PARD3B: variants seen among roughly 807,000 people sequenced by gnomAD.
PARD3B encodes the protein par-3 family cell polarity regulator beta, also known as partitioning defective 3 homolog B.
In PARD3B, 103 loss-of-function variants were observed where a neutral mutation model predicts 130.2. The observed-to-expected ratio is 0.79, with a 90% CI of 0.67 to 0.93. The LOEUF (loss-of-function observed/expected upper bound fraction) is 0.93. PARD3B is among the 40% of genes least tolerant of loss of function. The pLI is 0.00. For synonymous variants in PARD3B, 583 were observed against 553.2 expected (o/e 1.05, Z -0.76); for missense variants, 1,609 against 1,499.2 (o/e 1.07, Z -1.21).
rs539904437 is a variant in PARD3B at position 205,151,738 on chromosome 2, T to C, written c.1435-6984T>C. Reference sequence around the variant, plus strand: ...TCCAATTTACCAGTCTGTCTTTTAATTGGGGCATTTAGCCAATTTACATTT... The same window carrying C: ...TCCAATTTACCAGTCTGTCTTTTAACTGGGGCATTTAGCCAATTTACATTT... On this transcript the variant is annotated intron_variant, in intron 10 of 22. Coordinates refer to ENST00000406610, the MANE Select transcript of PARD3B (RefSeq NM_001302769.2). 4.7e-4 allele frequency among the ~76,000 whole-genome samples: 71 copies of C among 152,352 alleles called. 1 individual carries two copies. In the South Asian group the frequency reaches 8.9e-3, roughly 19 times the overall value.
At chr2:204,616,940 T>C (rs1448696059) in intron 1 of PARD3B, among the ~76,000 whole-genome samples, 1 of 152,178 alleles carries the variant, frequency 6.6e-6, no homozygotes, top group African/African-American at 2.4e-5. Flanking sequence ...AGTTCTTTCG[T>C]CCCTTAAACT....
Position 205,343,708 on chromosome 2 carries a change from C to G in PARD3B, c.2630+42007C>G, listed in dbSNP as rs558641327. Among the ~76,000 whole-genome samples, 14 of 152,292 alleles carry G rather than the reference C, an allele frequency of 9.2e-5. 1 individual carries two copies. Among genetic ancestry groups the G allele is most frequent in the African/African-American group, 3.1e-4 (13 of 41,568 alleles). ...TGGCCTGGCTCACAGCTGTGGAGAACAGCGTGCTTGTGTCTGAGCCTCCTG... is the reference window on the plus strand; with the variant it reads ...TGGCCTGGCTCACAGCTGTGGAGAAGAGCGTGCTTGTGTCTGAGCCTCCTG... On this transcript the variant is annotated intron_variant, in intron 18 of 22. Transcript: ENST00000406610.
At chr2:204,944,905 G>A (rs1689191938) in intron 2 of PARD3B, among the ~76,000 whole-genome samples, 1 of 152,276 alleles carries the variant, frequency 6.6e-6, no homozygotes, top group East Asian at 1.9e-4. Flanking sequence ...ACAAATTTGG[G>A]GGAGTGAGAG....
intron 2 of PARD3B, among the ~76,000 whole-genome samples, chr2:204,752,179 C>T (rs2040490455): frequency 6.6e-6 from 1 of 152,120 alleles, no homozygotes; most frequent in Non-Finnish European, 1.5e-5. Context: ...GTAAGATTAT[C>T]TTTAAAAGTG....
intron 1 of PARD3B, among the ~76,000 whole-genome samples, chr2:204,654,599 G>A (rs1313403008): frequency 6.6e-6 from 1 of 152,120 alleles, no homozygotes; most frequent in Non-Finnish European, 1.5e-5. Context: ...CCATATAGTG[G>A]ATTTTAGTTT....
chr2:205,108,433 C>T (rs1019619999), intron 5 of PARD3B, among the ~76,000 whole-genome samples: 3 of 152,098 alleles, frequency 2.0e-5, no homozygotes, highest in African/African-American at 7.2e-5. Flanking sequence ...AATCTGTCTC[C>T]TGTACACAGC....
At chr2:205,199,963 T>C (rs1290336668) in intron 15 of PARD3B, among the ~76,000 whole-genome samples, 1 of 151,686 alleles carries the variant, frequency 6.6e-6, no homozygotes, top group Non-Finnish European at 1.5e-5. Flanking sequence ...ATTTCCATGT[T>C]TGTGAAATTA....
At chr2:204,972,253 C>T (rs1575450497) in intron 3 of PARD3B, among the ~76,000 whole-genome samples, 1 of 151,970 alleles carries the variant, frequency 6.6e-6, no homozygotes, top group East Asian at 1.9e-4. Flanking sequence ...ATATAGGCCT[C>T]ATAGTTGATC....
intron 4 of PARD3B, among the ~76,000 whole-genome samples, chr2:205,081,819 G>C (rs1286679882): frequency 6.6e-6 from 1 of 152,020 alleles, no homozygotes; most frequent in African/African-American, 2.4e-5. Flanking sequence ...CTCTATTTAT[G>C]AGTGTTACTG....
chr2:205,310,022 C>A (rs1280734608), intron 18 of PARD3B, among the ~76,000 whole-genome samples: 3 of 151,214 alleles, frequency 2.0e-5, no homozygotes, highest in Admixed American at 2.0e-4. Context: ...CTAAAACAAG[C>A]TAACATATAC....
chr2:205,432,466 C>T (rs1233299203), intron 19 of PARD3B, among the ~76,000 whole-genome samples: 5 of 152,292 alleles, frequency 3.3e-5, no homozygotes, highest in African/African-American at 9.6e-5. Flanking sequence ...CTCTGGCCTC[C>T]TCCAAATTCT....
In PARD3B at chr2:205,172,321, G is replaced by C. The variant is rs771288911; in HGVS notation, c.1731G>C (p.Glu577Asp). Residue 577 changes from glutamate to aspartate, a missense_variant, in exon 12 of 23, where the codon GAG becomes GAC. Transcript: ENST00000406610. The part of the protein sequence containing the change: ...METLRRSMSM[E>D]GNIRGMIQLV... ...CACTTAGGCGGTCAATGTCCATGGA[G>C]GGAAACATCCGAGGGATGATCCAGT... 4 of 1,614,138 alleles carry C rather than the reference G, an allele frequency of 2.5e-6. No homozygotes were observed. In the South Asian group the frequency reaches 4.4e-5, roughly 18 times the overall value.
At chr2:205,058,678 T>G (rs564234500) in intron 4 of PARD3B, among the ~76,000 whole-genome samples, 1 of 152,022 alleles carries the variant, frequency 6.6e-6, no homozygotes, top group South Asian at 2.1e-4. Flanking sequence ...GATTTGCATT[T>G]CCCTAATGCT....
At chr2:204,921,456 G>T (rs1168465232) in intron 2 of PARD3B, among the ~76,000 whole-genome samples, 1 of 152,062 alleles carries the variant, frequency 6.6e-6, no homozygotes, top group African/African-American at 2.4e-5. Context: ...GGAGGATTTG[G>T]ATTGATTTGG....
At chr2:205,016,475 C>T (rs889277962) in intron 3 of PARD3B, among the ~76,000 whole-genome samples, 14 of 152,150 alleles carry the variant, frequency 9.2e-5, no homozygotes, top group African/African-American at 3.4e-4. Flanking sequence ...ACTCTTTGGA[C>T]ACATTCATGG....
chr2:204,616,995 T>A (rs1366638333), intron 1 of PARD3B, among the ~76,000 whole-genome samples: 1 of 152,224 alleles, frequency 6.6e-6, no homozygotes, highest in Non-Finnish European at 1.5e-5. Context: ...TTTATATACT[T>A]CTTTCCAAAC....
intron 10 of PARD3B, among the ~76,000 whole-genome samples, chr2:205,143,017 A>G (rs761918451): frequency 6.6e-6 from 1 of 152,180 alleles, no homozygotes; most frequent in Non-Finnish European, 1.5e-5. Context: ...TCCTGTGCTG[A>G]TAAGGTCAGG....
intron 3 of PARD3B, among the ~76,000 whole-genome samples, chr2:205,016,362 G>A (rs1050889539): frequency 6.6e-5 from 10 of 151,896 alleles, no homozygotes; most frequent in East Asian, 1.9e-4. Flanking sequence ...TTTGTTCTTC[G>A]TGCTCCAGCC....
At chr2:204,843,010 G>A (rs2044313995) in intron 2 of PARD3B, among the ~76,000 whole-genome samples, 1 of 152,044 alleles carries the variant, frequency 6.6e-6, no homozygotes. Context: ...TCTCCTGGAG[G>A]GCTTATTCAA....
Sources: gnomAD v4.1 joint callset for allele counts (sites outside exome capture counted in the v4.1 genomes callset) on GRCh38, gnomAD v4.1.1 for gene constraint, MANE v1.5 for transcripts, NCBI Gene and HGNC (gene_info 2026-07-23, HGNC 2026-07-21) for gene names.